Variants in PCCA observed in about 807,000 individuals in gnomAD.
PCCA encodes the protein propionyl-CoA carboxylase alpha chain, mitochondrial.
PCCA carries 74 observed loss-of-function variants against 101.3 expected under a neutral mutation model. The observed-to-expected ratio is 0.73, with a 90% CI of 0.61 to 0.89. PCCA has a LOEUF of 0.89. PCCA is among the 40% of genes least tolerant of loss of function. The probability of loss-of-function intolerance (pLI) is 0.00; values close to 1 mark genes in which losing one functional copy is unlikely to be tolerated. For missense variants in PCCA, 891 were observed against 907.0 expected (o/e 0.98, Z 0.23); for synonymous variants, 294 against 313.6 (o/e 0.94, Z 0.66).
intron 8 of PCCA, among the ~76,000 whole-genome samples, chr13:100,244,487 C>T (rs1594898910): frequency 6.6e-6 from 1 of 151,976 alleles, no homozygotes; most frequent in East Asian, 1.9e-4. Flanking sequence ...CATCTTCTTT[C>T]TCTTGTTTTA....
intron 4 of PCCA, among the ~76,000 whole-genome samples, chr13:100,139,338 AT>A (rs538217352): frequency 6.6e-5 from 10 of 151,248 alleles, no homozygotes; most frequent in African/African-American, 1.5e-4. Flanking sequence ...TGCTGAGAAC[AT>A]TTTTTTTCTT....
chr13:100,517,827 C>T (rs543869336), intron 22 of PCCA, among the ~76,000 whole-genome samples: 14 of 152,320 alleles, frequency 9.2e-5, no homozygotes, highest in African/African-American at 3.4e-4. Flanking sequence ...AAACCCAATG[C>T]AGCCTGAGAA....
chr13:100,429,920 A>G (rs937734064), intron 20 of PCCA, among the ~76,000 whole-genome samples: 23 of 152,092 alleles, frequency 1.5e-4, no homozygotes, highest in Admixed American at 1.1e-3. Context: ...AATATTTATT[A>G]TATCTATATA....
chr13:100,285,895 A>G (rs2064592171), intron 12 of PCCA, among the ~76,000 whole-genome samples: 1 of 152,228 alleles, frequency 6.6e-6, no homozygotes, highest in Non-Finnish European at 1.5e-5. Flanking sequence ...ATGTAACCAT[A>G]CTTGAAAGCA....
At chr13:100,196,749 G>T (rs192120342) in intron 6 of PCCA, among the ~76,000 whole-genome samples, 16 of 152,252 alleles carry the variant, frequency 1.1e-4, no homozygotes, top group Admixed American at 9.8e-4. Flanking sequence ...TTTAAAAATC[G>T]TGTGGGTTTA....
At chr13:100,275,261 C>T (rs1003038126) in intron 12 of PCCA, among the ~76,000 whole-genome samples, 1 of 152,104 alleles carries the variant, frequency 6.6e-6, no homozygotes, top group African/African-American at 2.4e-5. Flanking sequence ...GAGGGAGACT[C>T]CTGTGGGCCC....
At chr13:100,416,371 A>G (rs1394186709) in intron 19 of PCCA, among the ~76,000 whole-genome samples, 1 of 151,726 alleles carries the variant, frequency 6.6e-6, no homozygotes, top group Non-Finnish European at 1.5e-5. Context: ...TAGTAGAGAG[A>G]AAGTTTCACC....
chr13:100,475,039 T>C (rs749784953), intron 21 of PCCA, among the ~76,000 whole-genome samples: 1 of 149,536 alleles, frequency 6.7e-6, no homozygotes, highest in Non-Finnish European at 1.5e-5. Flanking sequence ...CTTGTTATTA[T>C]TAGCATTATT....
chr13:100,301,684 A>T (rs1439040909), intron 13 of PCCA, 81 bp downstream of exon 13: 1 of 1,489,354 alleles, frequency 6.7e-7, no homozygotes, highest in African/African-American at 1.4e-5. Context: ...AATGAGGTAA[A>T]GTTAGGGTTT....
In PCCA at chr13:100,110,048, T is replaced by C. The variant is rs2048166425; in HGVS notation, c.184-1793T>C. On this transcript the variant is annotated intron_variant, in intron 2 of 23. Transcript: ENST00000376285. ...ATTAGGAGGCTGAGGCAGGAGAATA[T>C]GTTGAACCTGGGAGACGGAGGTTAC... is the stretch of plus-strand genomic sequence containing the variant. Among the ~76,000 whole-genome samples the C allele has an allele frequency of 2.0e-5, 3 of 152,132 alleles. No individual in the cohort carries two copies. In the South Asian group the frequency reaches 6.2e-4, roughly 32 times the overall value.
chr13:100,173,173 T>G (rs1198495352), intron 6 of PCCA, among the ~76,000 whole-genome samples: 1 of 152,148 alleles, frequency 6.6e-6, no homozygotes, highest in African/African-American at 2.4e-5. Flanking sequence ...GCAGGAGAGA[T>G]AAGGTGCAAA....
Position 100,303,015 on chromosome 13 carries a change from T to A in PCCA, c.1284+17T>A. On this transcript the variant is annotated intron_variant, in intron 14 of 23. Transcript: ENST00000376285. ...CTACCTGGTGTAAGTCATTAAGCTG[T>A]AATACCAGCTGAAGGGTTAAAATCG... 7.2e-7 allele frequency: 1 copy of A among 1,390,462 alleles called. No homozygotes were observed. Among genetic ancestry groups the A allele is most frequent in the African/African-American group, 1.4e-5 (1 of 70,550 alleles). The allele number at this position is 1,390,462 out of a possible 1,614,324, so 86.1% of individuals were successfully genotyped here. A position where few individuals can be genotyped will look rare whatever the true frequency, so the allele number is the denominator to read the frequency against.
At chr13:100,445,926 T>C (rs549415440) in intron 20 of PCCA, among the ~76,000 whole-genome samples, 2 of 152,378 alleles carry the variant, frequency 1.3e-5, no homozygotes, top group African/African-American at 2.4e-5. Flanking sequence ...TTTGGATATA[T>C]ATGCAGTAGT....
chr13:100,337,695 G>C (rs571301547), intron 17 of PCCA, among the ~76,000 whole-genome samples: 1 of 152,288 alleles, frequency 6.6e-6, no homozygotes, highest in East Asian at 1.9e-4. Flanking sequence ...TATTGCCTGA[G>C]TCCATGCACT....
At chr13:100,502,735 A>G (rs1378043915) in intron 21 of PCCA, among the ~76,000 whole-genome samples, 5 of 152,220 alleles carry the variant, frequency 3.3e-5, no homozygotes, top group Non-Finnish European at 7.3e-5. Flanking sequence ...AGGATATGAG[A>G]CAGACTCTTA....
chr13:100,492,943 A>G (rs1295989030), intron 21 of PCCA, among the ~76,000 whole-genome samples: 1 of 151,622 alleles, frequency 6.6e-6, no homozygotes, highest in Non-Finnish European at 1.5e-5. Flanking sequence ...AAATCCTCAC[A>G]TTCACCATCC....
Position 100,309,829 on chromosome 13 carries a change from T to G in PCCA, c.1354-4T>G. ...TATTGGGTTTTTTGTTTGCTTGTTT[T>G]TAGCTAATCACATATGGCTCTGATA... On this transcript the variant is annotated splice_region_variant and splice_polypyrimidine_tract_variant and intron_variant, in intron 15 of 23. Coordinates refer to ENST00000376285, the MANE Select transcript of PCCA (RefSeq NM_000282.4). The G allele has an allele frequency of 6.2e-7, 1 of 1,605,124 alleles. No homozygotes were observed. Among genetic ancestry groups the G allele is most frequent in the East Asian group, 2.2e-5 (1 of 44,776 alleles).
chr13:100,440,086 TGAA>T (rs1255038014), intron 20 of PCCA, among the ~76,000 whole-genome samples: 2 of 148,534 alleles, frequency 1.3e-5, no homozygotes, highest in African/African-American at 4.9e-5. Context: ...TAGTGTCACA[TGAA>T]TCTCATGTTA....
intron 4 of PCCA, among the ~76,000 whole-genome samples, chr13:100,137,565 C>A (rs2051329902): frequency 6.6e-6 from 1 of 152,100 alleles, no homozygotes; most frequent in Non-Finnish European, 1.5e-5. Flanking sequence ...GGTGAATTGA[C>A]CCTGTTACTA....
Sources: gnomAD v4.1 joint callset for allele counts (sites outside exome capture counted in the v4.1 genomes callset) on GRCh38, gnomAD v4.1.1 for gene constraint, MANE v1.5 for transcripts, NCBI Gene and HGNC (gene_info 2026-07-23, HGNC 2026-07-21) for gene names.